Variants in WDR49 observed in about 807,000 individuals in gnomAD.
WDR49 encodes WD repeat domain 49, also known as cilia- and flagella-associated protein 337.
WDR49 carries 107 observed loss-of-function variants against 119.5 expected under a neutral mutation model. The ratio of observed to expected loss-of-function variants is 0.90; its 90% CI spans 0.77 to 1.05. The LOEUF (loss-of-function observed/expected upper bound fraction) is 1.05. WDR49 is among the 50% of genes least tolerant of loss of function. WDR49 has a pLI of 0.00. For missense variants in WDR49, 1,240 were observed against 1,220.5 expected, an observed-to-expected ratio of 1.02 and a Z score of -0.24; for synonymous variants, 425 against 418.8, an observed-to-expected ratio of 1.01 and a Z score of -0.18.
chr3:167,560,336 A>C, intron 8 of WDR49, 108 bp from the exon 9 acceptor site: 1 of 1,089,618 alleles, frequency 9.2e-7, no homozygotes, highest in Non-Finnish European at 1.3e-6. Flanking sequence ...AGATCCCCCA[A>C]CAGTCAGAGA....
chr3:167,517,443 G>A (rs1482543986), intron 16 of WDR49, among the ~76,000 whole-genome samples: 1 of 152,098 alleles, frequency 6.6e-6, no homozygotes, highest in African/African-American at 2.4e-5. Flanking sequence ...TTTAATAAAT[G>A]GTGCTAGGAG....
intron 7 of WDR49, among the ~76,000 whole-genome samples, chr3:167,580,340 G>A (rs904505281): frequency 2.0e-5 from 3 of 151,920 alleles, no homozygotes; most frequent in Admixed American, 6.6e-5. Context: ...AATGGGTGAC[G>A]GTATATGACC....
At chr3:167,553,445 C>CA (rs1362898715) in intron 10 of WDR49, among the ~76,000 whole-genome samples, 7 of 151,946 alleles carry the variant, frequency 4.6e-5, no homozygotes, top group East Asian at 1.9e-4. Context: ...TGTAAGCAAT[C>CA]AAAAAAATCT....
intron 10 of WDR49, among the ~76,000 whole-genome samples, chr3:167,547,410 G>GA (rs1187837340): frequency 1.3e-5 from 2 of 151,438 alleles, no homozygotes; most frequent in African/African-American, 2.4e-5. Flanking sequence ...TTTATGAATA[G>GA]AAAAAAATCT....
chr3:167,533,154 G>A (rs1482305575), intron 11 of WDR49, among the ~76,000 whole-genome samples, 177 bp from the exon 12 acceptor site: 1 of 152,090 alleles, frequency 6.6e-6, no homozygotes. Flanking sequence ...TAACTCTAGA[G>A]CTTACAATCC....
At chr3:167,552,502 A>ATTCC (rs1253487507) in intron 10 of WDR49, among the ~76,000 whole-genome samples, 17 of 152,064 alleles carry the variant, frequency 1.1e-4, no homozygotes, top group Non-Finnish European at 2.4e-4. Context: ...GAAGAGGGAG[A>ATTCC]ACCAGAGTGG....
At chr3:167,606,087 A>G (rs976434344) in intron 5 of WDR49, among the ~76,000 whole-genome samples, 1 of 152,160 alleles carries the variant, frequency 6.6e-6, no homozygotes, top group East Asian at 1.9e-4. Flanking sequence ...TGCATTTCTC[A>G]CATTCCTAGG....
intron 5 of WDR49, among the ~76,000 whole-genome samples, chr3:167,617,096 A>C (rs1392456684): frequency 6.6e-6 from 1 of 152,182 alleles, no homozygotes; most frequent in African/African-American, 2.4e-5. Context: ...AGAAATGCCA[A>C]AATTGAGAAC....
At chr3:167,488,831 G>A (rs568830611) in intron 18 of WDR49, among the ~76,000 whole-genome samples, 1 of 152,170 alleles carries the variant, frequency 6.6e-6, no homozygotes, top group East Asian at 1.9e-4. Context: ...AATCTCATCT[G>A]ATACCAGTCT....
intron 10 of WDR49, among the ~76,000 whole-genome samples, chr3:167,549,273 C>G (rs543300737): frequency 3.9e-5 from 6 of 152,290 alleles, no homozygotes; most frequent in African/African-American, 1.4e-4. Context: ...GCCACACTCT[C>G]TTCCACAATG....
intron 7 of WDR49, among the ~76,000 whole-genome samples, chr3:167,594,504 T>G (rs556715685): frequency 5.3e-5 from 8 of 152,272 alleles, no homozygotes; most frequent in Admixed American, 2.0e-4. Context: ...GCATTCAAGA[T>G]GTGACCTGGC....
Position 167,505,308 on chromosome 3 carries a change from G to T in WDR49, c.2883C>A (p.Phe961Leu). ...PYYGEVIKKSFSTFRSLNIGA... is the reference protein window; with the variant it reads ...PYYGEVIKKSLSTFRSLNIGA... ...ACATTAACAACAGTGACTACTTACT[G>T]AATGATTTTTTTATAACTTCACCAT... is the stretch of plus-strand genomic sequence containing the variant. The change falls in exon 17 of 19, where the codon TTC (phenylalanine) becomes TTA (leucine). Residue 961 changes from phenylalanine (F) to leucine (L), a missense_variant and splice_region_variant. Physicochemically the swap from Phe to Leu is conservative, Grantham distance 22. Coordinates refer to ENST00000682715, the MANE Select transcript of WDR49 (RefSeq NM_001366157.1). 6.7e-7 allele frequency: 1 copy of T among 1,501,440 alleles called. No individual in the cohort carries two copies. Among genetic ancestry groups the T allele is most frequent in the South Asian group, 1.4e-5 (1 of 71,110 alleles). The allele number at this position is 1,501,440 out of a possible 1,614,324, so 93.0% of individuals were successfully genotyped here. A position where few individuals can be genotyped will look rare whatever the true frequency, so the allele number is the denominator to read the frequency against.
upstream of WDR49, among the ~76,000 whole-genome samples, chr3:167,657,540 C>G (rs190336218): frequency 2.4e-4 from 36 of 150,992 alleles, no homozygotes; most frequent in East Asian, 1.4e-3. Flanking sequence ...CTCCTCCCCC[C>G]CCACAATTTA....
intron 2 of WDR49, among the ~76,000 whole-genome samples, chr3:167,652,555 C>A (rs1241224604): frequency 2.0e-5 from 3 of 152,144 alleles, no homozygotes; most frequent in Non-Finnish European, 4.4e-5. Flanking sequence ...AAACTAAAAA[C>A]CACTTTGATG....
intron 2 of WDR49, among the ~76,000 whole-genome samples, chr3:167,638,101 CT>C (rs1037875883): frequency 1.3e-5 from 2 of 151,416 alleles, no homozygotes; most frequent in Non-Finnish European, 3.0e-5. Context: ...ATCACATTAA[CT>C]TGTTTTTCCT....
At chr3:167,602,534 CAT>C (rs1392769936) in intron 6 of WDR49, among the ~76,000 whole-genome samples, 1 of 151,938 alleles carries the variant, frequency 6.6e-6, no homozygotes, top group African/African-American at 2.4e-5. Context: ...TGAAAGAAAA[CAT>C]ATAGTCCCAT....
upstream of WDR49, among the ~76,000 whole-genome samples, chr3:167,657,696 T>G (rs1383401782): frequency 6.6e-6 from 1 of 152,210 alleles, no homozygotes; most frequent in Admixed American, 6.5e-5. Context: ...GAAATCAGTT[T>G]TACCTTAGGA....
chr3:167,539,899 C>T (rs1232609117), intron 10 of WDR49, among the ~76,000 whole-genome samples: 1 of 152,110 alleles, frequency 6.6e-6, no homozygotes, highest in Non-Finnish European at 1.5e-5. Flanking sequence ...TCTACAACAG[C>T]AGTGTCTAGA....
At chr3:167,510,055 G>T (rs1430758659) in intron 16 of WDR49, among the ~76,000 whole-genome samples, 1 of 152,124 alleles carries the variant, frequency 6.6e-6, no homozygotes, top group Non-Finnish European at 1.5e-5. Context: ...TTCACCTTTT[G>T]CTTATTTGTA....
Sources: allele counts gnomAD v4.1 joint callset (sites outside exome capture counted in the v4.1 genomes callset), GRCh38; gene constraint gnomAD v4.1.1; transcripts MANE v1.5; gene names NCBI Gene and HGNC (gene_info 2026-07-23, HGNC 2026-07-21).